Variants in COMMD8 observed in about 807,000 individuals in gnomAD.
The protein encoded by COMMD8 is COMM domain-containing protein 8.
COMMD8 carries 28 observed loss-of-function variants against 27.2 expected under a neutral mutation model. That is an observed-to-expected ratio of 1.03 (90% CI 0.76 to 1.41). The LOEUF (loss-of-function observed/expected upper bound fraction) is 1.41. Ranked by LOEUF, COMMD8 falls within the 40% of genes most tolerant of loss-of-function variation. The probability of loss-of-function intolerance (pLI) is 0.00; values close to 1 mark genes in which losing one functional copy is unlikely to be tolerated. For synonymous variants in COMMD8, 79 were observed against 75.5 expected (o/e 1.05, Z -0.24); for missense variants, 217 against 211.2 (o/e 1.03, Z -0.17).
intron 2 of COMMD8, chr4:47,459,806 G>A (rs545537981): frequency 1.0e-3 from 178 of 175,062 alleles, no homozygotes; most frequent in African/African-American, 4.2e-3. Flanking sequence ...ATCCAGGAGG[G>A]GGATAAGGGA....
rs1423055646 is a variant in COMMD8 at position 47,463,425 on chromosome 4, TC to T, written c.66+160del. On this transcript the variant is annotated intron_variant, in intron 1 of 4. Transcript: ENST00000381571. The stretch of plus-strand genomic sequence containing the variant: ...GGCGCCCCAAGCTGTCCTCCTAGGC[TC>T]CCCAGGGAAGGCGGGGACCAACCAC... Among the ~76,000 whole-genome samples, 11 of 152,250 alleles carry T rather than the reference TC, an allele frequency of 7.2e-5. No individual in the cohort carries two copies. In the East Asian group the frequency reaches 1.7e-3, roughly 24 times the overall value.
chr4:47,462,850 GTTCA>G (rs1730095817), intron 1 of COMMD8, among the ~76,000 whole-genome samples: 1 of 152,088 alleles, frequency 6.6e-6, no homozygotes, highest in South Asian at 2.1e-4. Context: ...CAGGAGGTAA[GTTCA>G]TTCCTTTCTG....
rs200812171 is a variant in COMMD8 at position 47,463,629 on chromosome 4, G to T, written c.23C>A (p.Pro8His). Residue 8 changes from proline (P) to histidine (H), a missense_variant, in exon 1 of 5, where the codon CCC becomes CAC. Transcript: ENST00000381571. MEPEEGTPLWRLQKLPAE... is the reference protein window; with the variant it reads MEPEEGTHLWRLQKLPAE... ...CGGCAGCTTCTGCAGCCGCCACAAG[G>T]GCGTCCCCTCTTCCGGCTCCATCCC... is the stretch of plus-strand genomic sequence containing the variant. 6.5e-7 allele frequency: 1 copy of T among 1,549,104 alleles called. No individual in the cohort carries two copies. Among genetic ancestry groups the T allele is most frequent in the Non-Finnish European group, 8.7e-7 (1 of 1,146,394 alleles).
At chr4:47,463,451 C>T (rs1216151633) in intron 1 of COMMD8, 135 bp downstream of exon 1, 22 of 830,110 alleles carry the variant, frequency 2.7e-5, no homozygotes, top group Non-Finnish European at 3.7e-5. Context: ...GGACCAACCA[C>T]CCGAAATCAC....
At chr4:47,459,598 A>C (rs183746568) in intron 2 of COMMD8, among the ~76,000 whole-genome samples, 3 of 152,318 alleles carry the variant, frequency 2.0e-5, no homozygotes, top group African/African-American at 2.4e-5. Flanking sequence ...AACTAGATCC[A>C]TGTTTATCAA....
At chr4:47,460,950 T>C (rs887526777) in intron 1 of COMMD8, among the ~76,000 whole-genome samples, 1 of 152,230 alleles carries the variant, frequency 6.6e-6, no homozygotes, top group Non-Finnish European at 1.5e-5. Flanking sequence ...AGACTACGGA[T>C]TTTGGAATAA....
At chr4:47,460,886 T>C (rs956423515) in intron 1 of COMMD8, among the ~76,000 whole-genome samples, 1 of 152,202 alleles carries the variant, frequency 6.6e-6, no homozygotes, top group African/African-American at 2.4e-5. Context: ...CCTATTAGTA[T>C]CTTAATATCA....
chr4:47,460,759 G>C (rs1560391623), intron 1 of COMMD8, among the ~76,000 whole-genome samples: 1 of 151,944 alleles, frequency 6.6e-6, no homozygotes, highest in Non-Finnish European at 1.5e-5. Context: ...TCCCATCTCA[G>C]CCTCCCAAGT....
At position 47,451,078 on chromosome 4, in the gene COMMD8, T is replaced by C. The variant is rs1729739611; in HGVS notation, c.*567A>G. 6.6e-6 allele frequency: 1 copy of C among 152,278 alleles called. No individual in the cohort carries two copies. The highest frequency in any genetic ancestry group is 2.1e-4 in the South Asian group (1 of 4,838). 9.4% of individuals were successfully genotyped at this position (152,278 alleles called of 1,614,324 possible). ...AAACTCAAAACTGTTCACATAAGTT[T>C]AGAGTATTTGTTCTTGTTTATCTCT... On this transcript the variant is annotated 3_prime_UTR_variant, in exon 5 of 5. Coordinates refer to ENST00000381571, the MANE Select transcript of COMMD8 (RefSeq NM_017845.5).
At chr4:47,454,611 A>G (rs544526858) in intron 3 of COMMD8, among the ~76,000 whole-genome samples, 101 of 152,274 alleles carry the variant, frequency 6.6e-4, no homozygotes, top group African/African-American at 2.4e-3. Flanking sequence ...CACGCCTGTA[A>G]TCCCAGCACT....
At chr4:47,460,091 G>T in intron 2 of COMMD8, 53 bp downstream of exon 2, 1 of 1,497,574 alleles carries the variant, frequency 6.7e-7, no homozygotes, top group South Asian at 1.2e-5. Flanking sequence ...AAAACTCAGA[G>T]AGAAACCTGA....
At chr4:47,457,615 A>C (rs1308777200) in intron 2 of COMMD8, among the ~76,000 whole-genome samples, 4 of 152,190 alleles carry the variant, frequency 2.6e-5, no homozygotes, top group African/African-American at 9.6e-5. Context: ...ATCTCAAAGA[A>C]CTAAATAATA....
At position 47,450,967 on chromosome 4, in the gene COMMD8, G is replaced by C. The variant is rs1453281579; in HGVS notation, c.*678C>G. On this transcript the variant is annotated 3_prime_UTR_variant, in exon 5 of 5. Coordinates refer to ENST00000381571, the MANE Select transcript of COMMD8 (RefSeq NM_017845.5). The stretch of plus-strand genomic sequence containing the variant: ...GCATAATGACAGCTATTTTTTATCA[G>C]AGCAATGTTTCCCAAACATAGAAGC... The C allele has an allele frequency of 6.6e-6, 1 of 152,248 alleles. No individual in the cohort carries two copies. The highest frequency in any genetic ancestry group is 1.9e-4 in the East Asian group (1 of 5,198). The allele number at this position is 152,248 out of a possible 1,614,324, so 9.4% of individuals were successfully genotyped here.
chr4:47,451,469 T>C lies in COMMD8; in HGVS notation c.*176A>G, dbSNP rs1729749992. 5.4e-6 allele frequency: 3 copies of C among 557,430 alleles called. No individual in the cohort carries two copies. The highest frequency in any genetic ancestry group is 9.4e-6 in the Non-Finnish European group (3 of 318,704). The allele number at this position is 557,430 out of a possible 1,614,324, so 34.5% of individuals were successfully genotyped here. Reference sequence around the variant, plus strand: ...CATTTTATGCATTTCCTCTCAACCATGTAATTTCCTGTTAAGGAATGTTGA... The same window carrying C: ...CATTTTATGCATTTCCTCTCAACCACGTAATTTCCTGTTAAGGAATGTTGA... On this transcript the variant is annotated 3_prime_UTR_variant, in exon 5 of 5. Transcript: ENST00000381571.
intron 1 of COMMD8, among the ~76,000 whole-genome samples, chr4:47,461,255 A>G (rs2109358285): frequency 6.6e-6 from 1 of 152,338 alleles, no homozygotes; most frequent in African/African-American, 2.4e-5. Flanking sequence ...AGCACTTAAC[A>G]TTTAATAAGG....
intron 1 of COMMD8, among the ~76,000 whole-genome samples, chr4:47,461,044 G>A (rs956961852): frequency 1.3e-5 from 2 of 152,108 alleles, no homozygotes; most frequent in African/African-American, 4.8e-5. Flanking sequence ...GTTAAATGAG[G>A]ATATCATCTA....
chr4:47,456,827 AAAAGAG>A (rs745582953), intron 2 of COMMD8, 98 bp from the exon 3 acceptor site: 68 of 840,394 alleles, frequency 8.1e-5, no homozygotes, highest in Middle Eastern at 3.6e-4. Flanking sequence ...CAGTAAAAGA[AAAAGAG>A]AAATACTTCT....
chr4:47,460,372 CAAAT>C (rs948072766), intron 1 of COMMD8, 73 bp from the exon 2 acceptor site: 4 of 1,295,772 alleles, frequency 3.1e-6, no homozygotes, highest in East Asian at 2.5e-5. Context: ...TCTTAACAAA[CAAAT>C]GTTGGGAGAT....
intron 2 of COMMD8, 28 bp from the exon 3 acceptor site, chr4:47,456,757 GCTTT>G: frequency 6.5e-7 from 1 of 1,527,544 alleles, no homozygotes; most frequent in Non-Finnish European, 8.8e-7. Context: ...GGCAAAAGGG[GCTTT>G]CTGTTTAAAA....
Sources: gnomAD v4.1 joint callset for allele counts (sites outside exome capture counted in the v4.1 genomes callset) on GRCh38, gnomAD v4.1.1 for gene constraint, MANE v1.5 for transcripts, NCBI Gene and HGNC (gene_info 2026-07-23, HGNC 2026-07-21) for gene names.